Variants in PFDN1 observed in about 807,000 individuals in gnomAD.
PFDN1 encodes the protein prefoldin 1.
In PFDN1, 6 loss-of-function variants were observed where a neutral mutation model predicts 17.3. That is an observed-to-expected ratio of 0.35 (90% confidence interval 0.19 to 0.69). PFDN1 has a LOEUF of 0.69. PFDN1 is among the 30% of genes least tolerant of loss of function. The pLI is 0.65. For synonymous variants in PFDN1, 58 were observed against 50.1 expected (o/e 1.16, Z -0.67); for missense variants, 113 against 146.2 (o/e 0.77, Z 1.17).
chr5:140,297,377 C>T (rs751928182), intron 2 of PFDN1, among the ~76,000 whole-genome samples: 4 of 152,170 alleles, frequency 2.6e-5, no homozygotes, highest in Non-Finnish European at 5.9e-5. Flanking sequence ...TCAGGTTTAG[C>T]ATCAAGAAAG....
chr5:140,263,120 G>A (rs1002936255), intron 3 of PFDN1, among the ~76,000 whole-genome samples: 11 of 152,272 alleles, frequency 7.2e-5, no homozygotes, highest in Admixed American at 5.2e-4. Context: ...TTATAGTCCC[G>A]GCCTCCTCCA....
At chr5:140,270,267 C>G (rs1453947145) in intron 3 of PFDN1, among the ~76,000 whole-genome samples, 4 of 152,034 alleles carry the variant, frequency 2.6e-5, no homozygotes, top group Non-Finnish European at 4.4e-5. Flanking sequence ...AGGGTGGAGA[C>G]TAAGGACATA....
intron 3 of PFDN1, among the ~76,000 whole-genome samples, chr5:140,276,165 G>A (rs1765289832): frequency 6.6e-6 from 1 of 152,110 alleles, no homozygotes; most frequent in East Asian, 1.9e-4. Flanking sequence ...AGGACTTGGG[G>A]AAAATCATTT....
chr5:140,278,309 T>G (rs1048616402), intron 3 of PFDN1, among the ~76,000 whole-genome samples: 4 of 152,142 alleles, frequency 2.6e-5, no homozygotes, highest in East Asian at 1.9e-4. Flanking sequence ...GGCTCACACC[T>G]GTAATCCCAG....
intron 3 of PFDN1, among the ~76,000 whole-genome samples, chr5:140,270,436 T>A (rs1765190714): frequency 2.0e-5 from 3 of 152,040 alleles, no homozygotes; most frequent in Admixed American, 6.6e-5. Context: ...AAGAAAATAA[T>A]AACTGAAACA....
At chr5:140,265,104 C>T (rs573512534) in intron 3 of PFDN1, among the ~76,000 whole-genome samples, 175 of 152,220 alleles carry the variant, frequency 1.1e-3, no homozygotes, top group Non-Finnish European at 2.0e-3. Context: ...GGACTGTGTT[C>T]GGGCATCCCC....
chr5:140,277,051 C>T (rs1765307592), intron 3 of PFDN1, among the ~76,000 whole-genome samples: 1 of 151,786 alleles, frequency 6.6e-6, no homozygotes, highest in African/African-American at 2.4e-5. Context: ...GAAACCCCGT[C>T]TCTACTAAAA....
At chr5:140,302,894 G>C (rs1423392631) in intron 1 of PFDN1, 147 bp downstream of exon 1, 1 of 721,356 alleles carries the variant, frequency 1.4e-6, no homozygotes, top group Non-Finnish European at 2.5e-6. Flanking sequence ...TGGAGACCCA[G>C]TGAGGCCTTA....
chr5:140,280,033 AAAAG>A (rs1444400263), intron 3 of PFDN1, among the ~76,000 whole-genome samples: 2 of 150,368 alleles, frequency 1.3e-5, no homozygotes, highest in Non-Finnish European at 1.5e-5. Flanking sequence ...AAAAGAAAAG[AAAAG>A]AAAGAAAGAA....
At chr5:140,267,894 G>A (rs1055543338) in intron 3 of PFDN1, among the ~76,000 whole-genome samples, 2 of 152,172 alleles carry the variant, frequency 1.3e-5, no homozygotes, top group Non-Finnish European at 1.5e-5. Flanking sequence ...AACTGATAAC[G>A]TTTCCTGACC....
chr5:140,249,937 T>C (rs1273307653), intron 3 of PFDN1, among the ~76,000 whole-genome samples: 3 of 151,592 alleles, frequency 2.0e-5, no homozygotes, highest in African/African-American at 7.3e-5. Flanking sequence ...GTTGGGGGGG[T>C]CTGGGGGTAC....
At chr5:140,268,404 C>T (rs1438951201) in intron 3 of PFDN1, among the ~76,000 whole-genome samples, 1 of 152,186 alleles carries the variant, frequency 6.6e-6, no homozygotes, top group Non-Finnish European at 1.5e-5. Flanking sequence ...GTAATCCCAG[C>T]ACTTTGGGAG....
chr5:140,295,513 T>C (rs780187891), intron 2 of PFDN1, among the ~76,000 whole-genome samples: 9 of 152,174 alleles, frequency 5.9e-5, no homozygotes, highest in Non-Finnish European at 1.2e-4. Context: ...CAAAGCAGTA[T>C]GGTGAGGTCA....
rs1032486274 is a variant in PFDN1, at chr5:140,273,382, G to A, written c.285+8067C>T. On this transcript the variant is annotated intron_variant, in intron 3 of 3. Transcript: ENST00000261813. ...CCAGCTCAAAAATGCAGTACTTAGGGCAAAACTGGACATCCATCCAAGTGC... is the reference window on the plus strand; with the variant it reads ...CCAGCTCAAAAATGCAGTACTTAGGACAAAACTGGACATCCATCCAAGTGC... 1.8e-3 allele frequency among the ~76,000 whole-genome samples: 273 copies of A among 152,222 alleles called. 2 individuals are homozygous for A. Among genetic ancestry groups the A allele is most frequent in the African/African-American group, 6.1e-3 (253 of 41,538 alleles).
At chr5:140,251,995 TTTTC>T (rs3082569) in intron 3 of PFDN1, among the ~76,000 whole-genome samples, 4 of 150,386 alleles carry the variant, frequency 2.7e-5, no homozygotes, top group South Asian at 2.1e-4. Flanking sequence ...TTAGTTTTTT[TTTTC>T]TTTCTTTCTT....
intron 3 of PFDN1, among the ~76,000 whole-genome samples, chr5:140,263,749 T>C (rs1365942973): frequency 6.6e-6 from 1 of 151,840 alleles, no homozygotes; most frequent in African/African-American, 2.4e-5. Flanking sequence ...GAGCCGGGCG[T>C]GGTGGCTCAT....
chr5:140,258,827 G>A (rs572172210), intron 3 of PFDN1, among the ~76,000 whole-genome samples: 6 of 152,180 alleles, frequency 3.9e-5, no homozygotes, highest in Non-Finnish European at 8.8e-5. Flanking sequence ...AGGTACCTGT[G>A]AGACATCCAA....
chr5:140,288,938 T>C (rs937322486), intron 2 of PFDN1, among the ~76,000 whole-genome samples: 1 of 151,076 alleles, frequency 6.6e-6, no homozygotes, highest in Non-Finnish European at 1.5e-5. Flanking sequence ...TGAGCCGAGA[T>C]CACACCACTG....
chr5:140,253,399 A>G (rs1764943223), intron 3 of PFDN1, among the ~76,000 whole-genome samples: 1 of 152,092 alleles, frequency 6.6e-6, no homozygotes, highest in African/African-American at 2.4e-5. Flanking sequence ...CCACTCAAGC[A>G]CTTTACAGCA....
Sources: allele counts gnomAD v4.1 joint callset (sites outside exome capture counted in the v4.1 genomes callset), GRCh38; gene constraint gnomAD v4.1.1; transcripts MANE v1.5; gene names NCBI Gene and HGNC (gene_info 2026-07-23, HGNC 2026-07-21).